Variants in DUOXA1 observed in about 807,000 individuals in gnomAD.
The protein encoded by DUOXA1 is dual oxidase maturation factor 1.
DUOXA1 carries 19 observed loss-of-function variants against 26.6 expected under a neutral mutation model. The ratio of observed to expected loss-of-function variants is 0.71; its 90% confidence interval spans 0.50 to 1.05. The LOEUF (loss-of-function observed/expected upper bound fraction) is 1.05. Ranked by LOEUF, DUOXA1 falls within the 50% of genes least tolerant of loss-of-function variation. The probability of loss-of-function intolerance (pLI) is 0.00; values close to 1 mark genes in which losing one functional copy is unlikely to be tolerated. For synonymous variants in DUOXA1, 166 were observed against 177.0 expected (o/e 0.94, Z 0.49); for missense variants, 403 against 427.5 (o/e 0.94, Z 0.51).
At chr15:45,119,485 T>G (rs1342473108) in intron 8 of DUOXA1, 120 bp from the exon 9 acceptor site, 1 of 1,435,824 alleles carries the variant, frequency 7.0e-7, no homozygotes, top group African/African-American at 1.4e-5. Context: ...TCAGGGCAAC[T>G]TGGGCTCAGA....
rs1220080144 is a variant in DUOXA1, at chr15:45,129,116, G to A, written c.-128C>T. ...CGCCCCCGGGGGTGTGATTAAAGAG[G>A]GAACCAGGTCCCGACGTTCTGTGAA... On this transcript the variant is annotated 5_prime_UTR_variant, in exon 3 of 9. Coordinates refer to ENST00000560572, the MANE Select transcript of DUOXA1 (RefSeq NM_001276266.2). This position sits in a 1 kb window ranked among gnomAD's most constrained non-coding sequence, Gnocchi z 4.1. The A allele has an allele frequency of 6.6e-6, 1 of 152,114 alleles. No individual in the cohort carries two copies. The highest frequency in any genetic ancestry group is 1.5e-5 in the Non-Finnish European group (1 of 68,090). 9.4% of individuals were successfully genotyped at this position (152,114 alleles called of 1,614,324 possible).
rs1183964539 is a variant in DUOXA1 at position 45,120,167 on chromosome 15, C to T, written c.708G>A (p.Leu236=). 7 of 1,613,834 alleles carry T rather than the reference C, an allele frequency of 4.3e-6. No homozygotes were observed. Among genetic ancestry groups the T allele is most frequent in the Non-Finnish European group, 5.9e-6 (7 of 1,179,936 alleles). Reference sequence around the variant, plus strand: ...TATGCAGCACAGAAGCGCCCAGGTGCAGGGGACAGGGTGAGGTGAGTGATG... The same window carrying T: ...TATGCAGCACAGAAGCGCCCAGGTGTAGGGGACAGGGTGAGGTGAGTGATG... ...MATSLTSPCP[L]HLGASVLHTH... Residue 236 remains leucine (L), a synonymous_variant, in exon 8 of 9, where the codon CTG becomes CTA. Coordinates refer to ENST00000560572, the MANE Select transcript of DUOXA1 (RefSeq NM_001276266.2).
chr15:45,118,795 G>T lies in DUOXA1; in HGVS notation c.*311C>A. 2.8e-6 allele frequency: 3 copies of T among 1,085,282 alleles called. No individual in the cohort carries two copies. Among genetic ancestry groups the T allele is most frequent in the Non-Finnish European group, 3.4e-6 (3 of 894,808 alleles). 67.2% of individuals were successfully genotyped at this position (1,085,282 alleles called of 1,614,324 possible). On this transcript the variant is annotated 3_prime_UTR_variant, in exon 9 of 9. Transcript: ENST00000560572. ...TATGGGGGTGAAGTTAGGTTTCAGT[G>T]AATAGCATCTTGAAGAGGCAAGGCA... is the stretch of plus-strand genomic sequence containing the variant.
Position 45,120,113 on chromosome 15 carries a change from T to C in DUOXA1, c.762A>G (p.Thr254=), listed in dbSNP as rs1015148261. The change falls in exon 8 of 9, where the codon ACA becomes ACG. Residue 254 remains threonine (T), a synonymous_variant. Transcript: ENST00000560572. ...AGGGCTGGGTCTTACCTGTGGTCAA[T>C]GTGATCCAGAAGGCAGGCCCATGGT... ...HTHHGPAFWI[T]LTTGLLCVLL... The C allele has an allele frequency of 3.7e-6, 6 of 1,613,706 alleles. No individual in the cohort carries two copies. In the African/African-American group the frequency reaches 4.0e-5, roughly 11 times the overall value.
chr15:45,128,628 G>A (rs1375120725), intron 3 of DUOXA1, among the ~76,000 whole-genome samples: 38 of 152,202 alleles, frequency 2.5e-4, no homozygotes, highest in Non-Finnish European at 2.9e-5. Context: ...AAAAATAGGA[G>A]TTAAGTGGAG....
At chr15:45,121,255 G>C in intron 5 of DUOXA1, 34 bp from the exon 6 acceptor site, 1 of 1,613,976 alleles carries the variant, frequency 6.2e-7, no homozygotes, top group Non-Finnish European at 8.5e-7. Flanking sequence ...TGGGAACTCA[G>C]AGATGACTGG....
rs769838247 is a variant in DUOXA1, at chr15:45,120,742, C to T, written c.404G>A (p.Gly135Asp). The T allele has an allele frequency of 8.1e-6, 13 of 1,614,130 alleles. No homozygotes were observed. Among genetic ancestry groups the T allele is most frequent in the Non-Finnish European group, 1.1e-5 (13 of 1,180,016 alleles). ...TGCATACTCCTCAGCATAGTTCTCA[C>T]CCAGGCGCCAGGTGAACTCCTCGTT... ...NYNEEFTWRLGENYAEEYAKA... is the reference protein window; with the variant it reads ...NYNEEFTWRLDENYAEEYAKA... The change falls in exon 7 of 9, where the codon GGT becomes GAT. Residue 135 changes from glycine to aspartate, a missense_variant. Gly to Asp is a moderately conservative substitution (Grantham distance 94, BLOSUM62 -1). Coordinates refer to ENST00000560572, the MANE Select transcript of DUOXA1 (RefSeq NM_001276266.2).
At position 45,121,075 on chromosome 15, in the gene DUOXA1, G is replaced by T. The variant is rs1895153488; in HGVS notation, c.340+12C>A. 1 of 1,613,952 alleles carries T rather than the reference G, an allele frequency of 6.2e-7. No individual in the cohort carries two copies. The highest frequency in any genetic ancestry group is 1.3e-5 in the African/African-American group (1 of 74,886). On this transcript the variant is annotated intron_variant, in intron 6 of 8. Transcript: ENST00000560572. ...GCCTTCCCCCCCACCACAGGTAAGA[G>T]CCCTCCCTCACCTGTGAGTGTGATG... is the stretch of plus-strand genomic sequence containing the variant.
At position 45,120,780 on chromosome 15, in the gene DUOXA1, C is replaced by T. The variant is rs895013609; in HGVS notation, c.366G>A (p.Glu122=). ...TGAACTCCTCGTTGTAATTGATGGT[C>T]TCATTCAGCTGCTGCACGGGGGTCC... is the stretch of plus-strand genomic sequence containing the variant. The part of the protein sequence containing the change: ...LTGTPVQQLN[E]TINYNEEFTW... Residue 122 remains glutamate, a synonymous_variant, in exon 7 of 9, where the codon GAG becomes GAA. Transcript: ENST00000560572. 2 of 1,614,116 alleles carry T rather than the reference C, an allele frequency of 1.2e-6. No individual in the cohort carries two copies. Among genetic ancestry groups the T allele is most frequent in the Non-Finnish European group, 8.5e-7 (1 of 1,179,994 alleles).
intron 4 of DUOXA1, 64 bp from the exon 5 acceptor site, chr15:45,122,306 T>C (rs1863469): frequency 1.3e-6 from 2 of 1,514,124 alleles, no homozygotes; most frequent in African/African-American, 2.8e-5. Flanking sequence ...CCTTCCTGTT[T>C]CCAGACTTGG....
At chr15:45,120,397 G>A (rs774865691) in intron 7 of DUOXA1, 77 bp from the exon 8 acceptor site, 2 of 1,569,782 alleles carry the variant, frequency 1.3e-6, no homozygotes, top group Non-Finnish European at 1.8e-6. Context: ...CCAGGCGGAG[G>A]TTCAGGGACC....
chr15:45,118,971 T>G lies in DUOXA1; in HGVS notation c.*135A>C, dbSNP rs1894875313. The G allele has an allele frequency of 2.8e-6, 4 of 1,434,870 alleles. No individual in the cohort carries two copies. In the South Asian group the frequency reaches 6.1e-5, roughly 22 times the overall value. 88.9% of individuals were successfully genotyped at this position (1,434,870 alleles called of 1,614,324 possible). A position where few individuals can be genotyped will look rare whatever the true frequency, so the allele number is the denominator to read the frequency against. The stretch of plus-strand genomic sequence containing the variant: ...TTAACATCAGTATATAGAGCCTCCT[T>G]TTTCTACTCCGTCTGTAGATTGGTG... On this transcript the variant is annotated 3_prime_UTR_variant, in exon 9 of 9. Coordinates refer to ENST00000560572, the MANE Select transcript of DUOXA1 (RefSeq NM_001276266.2).
rs897658889 is a variant in DUOXA1 at position 45,129,580 on chromosome 15, G to C, written c.-267C>G. ...ACTCCGGGGTCTTAGAGGGGTTTAGGTCGGATGGGTGACTTGCTTTGACGC... is the reference window on the plus strand; with the variant it reads ...ACTCCGGGGTCTTAGAGGGGTTTAGCTCGGATGGGTGACTTGCTTTGACGC... On this transcript the variant is annotated 5_prime_UTR_variant, in exon 2 of 9. Coordinates refer to ENST00000560572, the MANE Select transcript of DUOXA1 (RefSeq NM_001276266.2). This position sits in a 1 kb window ranked among gnomAD's most constrained non-coding sequence, Gnocchi z 4.1. 2 of 152,920 alleles carry C rather than the reference G, an allele frequency of 1.3e-5. No individual in the cohort carries two copies. Among genetic ancestry groups the C allele is most frequent in the African/African-American group, 4.8e-5 (2 of 41,440 alleles). The allele number at this position is 152,920 out of a possible 1,614,324, so 9.5% of individuals were successfully genotyped here.
chr15:45,122,191 T>C lies in DUOXA1; in HGVS notation c.199A>G (p.Ile67Val). ...AGCTGCACTTCGCACTCACCCAGGA[T>C]TGCAGCCCCGATGAATAAGCTGGTC... is the stretch of plus-strand genomic sequence containing the variant. ...VVTSLFIGAA[I>V]LAVNFSSEWS... The change falls in exon 5 of 9, where the codon ATC becomes GTC. Residue 67 changes from isoleucine (I) to valine (V), a missense_variant. By Grantham distance (29) the Ile-to-Val change is conservative (BLOSUM62 3). Transcript: ENST00000560572. 2 of 1,602,870 alleles carry C rather than the reference T, an allele frequency of 1.2e-6. No individual in the cohort carries two copies. Among genetic ancestry groups the C allele is most frequent in the East Asian group, 2.2e-5 (1 of 44,648 alleles).
At chr15:45,128,215 C>A (rs1469001852) in intron 3 of DUOXA1, among the ~76,000 whole-genome samples, 1 of 152,206 alleles carries the variant, frequency 6.6e-6, no homozygotes, top group Non-Finnish European at 1.5e-5. Context: ...AAGTTACAAT[C>A]TTTAAGAAAA....
chr15:45,123,210 C>T (rs923973426), intron 3 of DUOXA1, among the ~76,000 whole-genome samples, 167 bp from the exon 4 acceptor site: 3 of 152,160 alleles, frequency 2.0e-5, no homozygotes, highest in Non-Finnish European at 4.4e-5. Context: ...TGCCCCTCAG[C>T]CATCCATCTC....
rs568933242 is a variant in DUOXA1 at position 45,123,908 on chromosome 15, G to A, written c.-29-865C>T. On this transcript the variant is annotated intron_variant, in intron 3 of 8. Coordinates refer to ENST00000560572, the MANE Select transcript of DUOXA1 (RefSeq NM_001276266.2). ...ATGGTACCTGAACTTAATGTGTTTA[G>A]TTAAATCTCAGACAGAATGGATTGC... 7.9e-5 allele frequency among the ~76,000 whole-genome samples: 12 copies of A among 152,210 alleles called. No homozygotes were observed. In the South Asian group the frequency reaches 1.9e-3, roughly 24 times the overall value.
At position 45,123,031 on chromosome 15, in the gene DUOXA1, A is replaced by AG. The variant is rs759678720; in HGVS notation, c.-18dup. On this transcript the variant is annotated 5_prime_UTR_variant, in exon 4 of 9. Transcript: ENST00000560572. Reference sequence around the variant, plus strand: ...AGTAGCCATCTTGGTGAGGTGGTGCAGGGGGGGCAATGCTGTACAACAACA... The same window carrying AG: ...AGTAGCCATCTTGGTGAGGTGGTGCAGGGGGGGGCAATGCTGTACAACAACA... 3.4e-5 allele frequency: 54 copies of AG among 1,602,478 alleles called. No homozygotes were observed. Among genetic ancestry groups the AG allele is most frequent in the South Asian group, 3.3e-4 (29 of 88,832 alleles).
Position 45,117,549 on chromosome 15 carries a change from G to A in DUOXA1, c.*1557C>T, listed in dbSNP as rs1894724567. On this transcript the variant is annotated 3_prime_UTR_variant, in exon 9 of 9. Transcript: ENST00000560572. ...AGGTGTGTGGCGGGAGGTAACACAA[G>A]GGGTAGGCTCCAAAAGATGGAAGAA... 4 of 1,576,448 alleles carry A rather than the reference G, an allele frequency of 2.5e-6. No homozygotes were observed. The highest frequency in any genetic ancestry group is 3.4e-6 in the Non-Finnish European group (4 of 1,160,220).
Sources: gnomAD v4.1 joint callset for allele counts (sites outside exome capture counted in the v4.1 genomes callset) on GRCh38, gnomAD v4.1.1 for gene constraint, Gnocchi (gnomAD v3.1) non-coding constraint, MANE v1.5 for transcripts, NCBI Gene and HGNC (gene_info 2026-07-23, HGNC 2026-07-21) for gene names.